The following FOXP2 variants were observed in gnomAD, a reference collection of about 807,000 sequenced individuals.
FOXP2 encodes forkhead box protein P2.
In FOXP2, 12 loss-of-function variants were observed where a neutral mutation model predicts 115.8. The ratio of observed to expected loss-of-function variants is 0.10; its 90% CI spans 0.07 to 0.17. FOXP2 has a LOEUF of 0.17. Among genes scored for constraint, FOXP2 ranks in the 10% least tolerant of loss-of-function variants. The probability of loss-of-function intolerance (pLI) is 1.00; values close to 1 mark genes in which losing one functional copy is unlikely to be tolerated. For synonymous variants in FOXP2, 328 were observed against 297.7 expected (o/e 1.10, Z -1.05); for missense variants, 629 against 843.5 (o/e 0.75, Z 3.15).
intron 2 of FOXP2, among the ~76,000 whole-genome samples, chr7:114,429,584 T>C (rs1033953030): frequency 6.6e-5 from 10 of 151,554 alleles, no homozygotes; most frequent in South Asian, 2.1e-4. Flanking sequence ...ATTAATTGTT[T>C]GTGTCACTAA....
At chr7:114,433,521 C>T (rs543837215) in intron 2 of FOXP2, among the ~76,000 whole-genome samples, 5 of 151,910 alleles carry the variant, frequency 3.3e-5, no homozygotes, top group Admixed American at 3.3e-4. Context: ...AATATACCAT[C>T]ATTTAAAATA....
intron 1 of FOXP2, among the ~76,000 whole-genome samples, chr7:114,153,757 C>G (rs1163643345): frequency 1.4e-5 from 2 of 146,786 alleles, no homozygotes; most frequent in African/African-American, 2.4e-5. Context: ...ATTTGTAGCT[C>G]TTTCTTTTCA....
At chr7:114,405,611 A>G (rs1020407701) in intron 2 of FOXP2, among the ~76,000 whole-genome samples, 1 of 151,936 alleles carries the variant, frequency 6.6e-6, no homozygotes, top group Non-Finnish European at 1.5e-5. Context: ...CATTGGTAAC[A>G]GGTAAAAGAT....
intron 2 of FOXP2, among the ~76,000 whole-genome samples, chr7:114,295,641 A>G (rs1438335561): frequency 1.3e-5 from 2 of 152,194 alleles, no homozygotes; most frequent in Non-Finnish European, 2.9e-5. Flanking sequence ...ACAGAGGACT[A>G]TTACTGTAGG....
At chr7:114,284,291 C>T (rs886648684) in intron 1 of FOXP2, among the ~76,000 whole-genome samples, 1 of 151,884 alleles carries the variant, frequency 6.6e-6, no homozygotes, top group African/African-American at 2.4e-5. Flanking sequence ...AAAAAAAAGC[C>T]CATCCCTTAC....
At chr7:114,426,736 A>T (rs1290478421) in intron 2 of FOXP2, 57 bp downstream of exon 2, 4 of 1,552,072 alleles carry the variant, frequency 2.6e-6, no homozygotes, top group Non-Finnish European at 3.5e-6. Flanking sequence ...TTTATTGAAT[A>T]TGAAAAATGT....
At chr7:114,140,475 T>G (rs1792175811) in intron 1 of FOXP2, among the ~76,000 whole-genome samples, 2 of 152,014 alleles carry the variant, frequency 1.3e-5, no homozygotes, top group Admixed American at 1.3e-4. Context: ...AGTGAGGGTG[T>G]TGTTTACTTT....
chr7:114,102,732 A>ACACCCC (rs757957770), intron 1 of FOXP2, among the ~76,000 whole-genome samples: 1 of 146,084 alleles, frequency 6.8e-6, no homozygotes, highest in Non-Finnish European at 1.5e-5. Context: ...ACACACACAC[A>ACACCCC]CCCCAATGGT....
At chr7:114,470,792 A>T (rs1796009673) in intron 2 of FOXP2, among the ~76,000 whole-genome samples, 1 of 152,082 alleles carries the variant, frequency 6.6e-6, no homozygotes, top group African/African-American at 2.4e-5. Flanking sequence ...CATCCTAGAT[A>T]CCTACCATCC....
chr7:114,154,396 G>T (rs1424595788), intron 1 of FOXP2, among the ~76,000 whole-genome samples: 1 of 151,732 alleles, frequency 6.6e-6, no homozygotes, highest in African/African-American at 2.4e-5. Flanking sequence ...TCATAAACAA[G>T]CTAATAAACA....
chr7:114,384,267 C>A (rs1423452273), intron 2 of FOXP2, among the ~76,000 whole-genome samples: 1 of 152,172 alleles, frequency 6.6e-6, no homozygotes, highest in Non-Finnish European at 1.5e-5. Flanking sequence ...GGCTGGGTTC[C>A]TGAGTATTTC....
At chr7:114,516,556 T>A (rs1476131611) in intron 2 of FOXP2, among the ~76,000 whole-genome samples, 1 of 152,178 alleles carries the variant, frequency 6.6e-6, no homozygotes, top group Non-Finnish European at 1.5e-5. Context: ...ATATGATAGT[T>A]CTATTTTTAA....
At chr7:114,286,430 T>G (rs1338166772) in intron 1 of FOXP2, among the ~76,000 whole-genome samples, 3 of 152,078 alleles carry the variant, frequency 2.0e-5, no homozygotes, top group South Asian at 4.1e-4. Context: ...ATAGACTGAT[T>G]TAGAAAAAGT....
chr7:114,144,891 G>T (rs1216832970), intron 1 of FOXP2, among the ~76,000 whole-genome samples: 1 of 152,084 alleles, frequency 6.6e-6, no homozygotes, highest in Non-Finnish European at 1.5e-5. Flanking sequence ...ATTAAGAAAA[G>T]AACACTTTTT....
At chr7:114,215,851 TGAGA>T (rs1305328875) in intron 1 of FOXP2, among the ~76,000 whole-genome samples, 1 of 152,200 alleles carries the variant, frequency 6.6e-6, no homozygotes, top group Non-Finnish European at 1.5e-5. Flanking sequence ...TGGAAATTTC[TGAGA>T]GACAGACACA....
chr7:114,530,888 C>G (rs1166560197), intron 2 of FOXP2, among the ~76,000 whole-genome samples: 1 of 151,766 alleles, frequency 6.6e-6, no homozygotes, highest in Non-Finnish European at 1.5e-5. Flanking sequence ...GAAAAATGTG[C>G]ATTCCCACAT....
intron 2 of FOXP2, among the ~76,000 whole-genome samples, chr7:114,474,917 G>A: frequency 6.6e-6 from 1 of 151,920 alleles, no homozygotes; most frequent in East Asian, 1.9e-4. Flanking sequence ...TATGGGCATA[G>A]AGATAAGTCA....
intron 6 of FOXP2, among the ~76,000 whole-genome samples, chr7:114,638,918 G>C (rs930195664): frequency 1.3e-5 from 2 of 152,044 alleles, no homozygotes; most frequent in Non-Finnish European, 2.9e-5. Flanking sequence ...TGGATTATTT[G>C]AACAGGCCAT....
chr7:114,693,501 A>T lies in FOXP2; in HGVS notation c.*3575A>T, dbSNP rs1808783314. ...CAGTATTAACACACATTTGGACAATAGCTTTATTAAGTCTATAAAGCTATT... is the reference window on the plus strand; with the variant it reads ...CAGTATTAACACACATTTGGACAATTGCTTTATTAAGTCTATAAAGCTATT... On this transcript the variant is annotated 3_prime_UTR_variant, in exon 17 of 17. Transcript: ENST00000350908. The T allele has an allele frequency of 2.2e-6, 1 of 452,284 alleles. No individual in the cohort carries two copies. Among genetic ancestry groups the T allele is most frequent in the African/African-American group, 2.0e-5 (1 of 49,906 alleles). 28.0% of individuals were successfully genotyped at this position (452,284 alleles called of 1,614,324 possible).
Sources: gnomAD v4.1 joint callset for allele counts (sites outside exome capture counted in the v4.1 genomes callset) on GRCh38, gnomAD v4.1.1 for gene constraint, MANE v1.5 for transcripts, NCBI Gene and HGNC (gene_info 2026-07-23, HGNC 2026-07-21) for gene names.